The following MLLT6 variants were observed in gnomAD, a reference collection of about 807,000 sequenced individuals.
MLLT6 encodes the protein protein AF-17.
Under a neutral mutation model 103.0 loss-of-function variants are expected in MLLT6, and 22 were observed. The ratio of observed to expected loss-of-function variants is 0.21; its 90% CI spans 0.15 to 0.31. The LOEUF is 0.31. Among genes scored for constraint, MLLT6 ranks in the 10% least tolerant of loss-of-function variants. The pLI, the probability that MLLT6 is intolerant of heterozygous loss-of-function variation, is 1.00. For synonymous variants in MLLT6, 606 were observed against 623.5 expected (o/e 0.97, Z 0.42); for missense variants, 1,199 against 1,441.7 (o/e 0.83, Z 2.73).
At position 38,709,466 on chromosome 17, in the gene MLLT6, T is replaced by C; in HGVS notation, c.459-16T>C. 6.2e-7 allele frequency: 1 copy of C among 1,610,658 alleles called. No individual in the cohort carries two copies. Among genetic ancestry groups the C allele is most frequent in the Non-Finnish European group, 8.5e-7 (1 of 1,176,772 alleles). On this transcript the variant is annotated splice_polypyrimidine_tract_variant and intron_variant, in intron 5 of 19. Coordinates refer to ENST00000621332, the MANE Select transcript of MLLT6 (RefSeq NM_005937.4). This position sits in a 1 kb window ranked among gnomAD's most constrained non-coding sequence, Gnocchi z 4.3. ...ATCTGTGGCCTCAGCCGTCTCAGGC[T>C]GCCTTCTCTGGTTAGTGCCCAAATG... is the stretch of plus-strand genomic sequence containing the variant.
At chr17:38,717,385 T>G in intron 10 of MLLT6, 47 bp from the exon 11 acceptor site, 1 of 1,472,594 alleles carries the variant, frequency 6.8e-7, no homozygotes, top group South Asian at 1.3e-5. Flanking sequence ...AGCAGGAGTC[T>G]GGGGTGGAGA....
Position 38,716,566 on chromosome 17 carries a change from C to T in MLLT6, c.1236C>T (p.Thr412=), listed in dbSNP as rs776768338. Residue 412 remains threonine, a synonymous_variant, in exon 10 of 20, where the codon ACC becomes ACT. Coordinates refer to ENST00000621332, the MANE Select transcript of MLLT6 (RefSeq NM_005937.4). This position sits in a 1 kb window ranked among gnomAD's most constrained non-coding sequence, Gnocchi z 5.6. ...GFGPIMRFST[T]TSSSGRARAP... is the part of the protein sequence containing the mutation. Reference sequence around the variant, plus strand: ...GGCCCATCATGCGCTTCTCCACCACCACCTCCAGCTCAGGCCGGGCCCGGG... The same window carrying T: ...GGCCCATCATGCGCTTCTCCACCACTACCTCCAGCTCAGGCCGGGCCCGGG... 12 of 1,614,146 alleles carry T rather than the reference C, an allele frequency of 7.4e-6. No homozygotes were observed. The highest frequency in any genetic ancestry group is 3.3e-5 in the South Asian group (3 of 91,088).
At position 38,720,584 on chromosome 17, in the gene MLLT6, C is replaced by T. The variant is rs1188018803; in HGVS notation, c.2353+15C>T. Reference sequence around the variant, plus strand: ...GCCTCCCCAAGGTGAGGGGATCCTGCCCAGCCCGGGAGAGAGGCCCGTGCC... The same window carrying T: ...GCCTCCCCAAGGTGAGGGGATCCTGTCCAGCCCGGGAGAGAGGCCCGTGCC... On this transcript the variant is annotated intron_variant, in intron 15 of 19. Transcript: ENST00000621332. 1 of 1,612,470 alleles carries T rather than the reference C, an allele frequency of 6.2e-7. No individual in the cohort carries two copies. Among genetic ancestry groups the T allele is most frequent in the Non-Finnish European group, 8.5e-7 (1 of 1,179,716 alleles).
In MLLT6 at chr17:38,727,316, G is replaced by T; in HGVS notation, c.*1718G>T. 1 of 228,136 alleles carries T rather than the reference G, an allele frequency of 4.4e-6. No individual in the cohort carries two copies. Among genetic ancestry groups the T allele is most frequent in the Non-Finnish European group, 8.7e-6 (1 of 115,272 alleles). The allele number at this position is 228,136 out of a possible 1,614,324, so 14.1% of individuals were successfully genotyped here. On this transcript the variant is annotated 3_prime_UTR_variant, in exon 20 of 20. Transcript: ENST00000621332. ...GTTAGGGAGCTGATAATGGAGGGGG[G>T]TGGGAATCCTTCAAAGGCAATTTCT...
In MLLT6 at chr17:38,709,691, C is replaced by A; in HGVS notation, c.552+116C>A. On this transcript the variant is annotated intron_variant, in intron 6 of 19. Transcript: ENST00000621332. This position sits in a 1 kb window ranked among gnomAD's most constrained non-coding sequence, Gnocchi z 4.3. ...GCTAGGAGGACAGAGAGGGAAAAAA[C>A]CCAGTCCCTGCCCAAGAGGAGCTCT... is the stretch of plus-strand genomic sequence containing the variant. The A allele has an allele frequency of 1.3e-6, 1 of 757,352 alleles. No individual in the cohort carries two copies. The highest frequency in any genetic ancestry group is 2.3e-6 in the Non-Finnish European group (1 of 438,522). 46.9% of individuals were successfully genotyped at this position (757,352 alleles called of 1,614,324 possible). A position where few individuals can be genotyped will look rare whatever the true frequency, so the allele number is the denominator to read the frequency against.
At position 38,715,653 on chromosome 17, in the gene MLLT6, C is replaced by A. The variant is rs766367970; in HGVS notation, c.861C>A (p.Ser287Arg). Residue 287 changes from serine (S) to arginine (R), a missense_variant, in exon 9 of 20, where the codon AGC becomes AGA. Ser to Arg is a moderately radical substitution (Grantham distance 110, BLOSUM62 -1). Around this residue, in one of 7 missense-constraint regions of MLLT6, gnomAD observed 1,034 missense variants for 1,091.5 expected, o/e 0.95. Transcript: ENST00000621332. ...CCTCTTCCTCCCACCACGAGGCCAG[C>A]ACGCAGGAGACCTCTGAGAGCAGCA... ...SASSSSHHEA[S>R]TQETSESSRE... The A allele has an allele frequency of 9.9e-6, 16 of 1,613,964 alleles. No individual in the cohort carries two copies. The highest frequency in any genetic ancestry group is 1.4e-5 in the Non-Finnish European group (16 of 1,179,954).
rs1458472557 is a variant in MLLT6 at position 38,709,072 on chromosome 17, C to G, written c.355-101C>G. ...GACAGTTCTGTGGGATAGCACTGAT[C>G]TAAGACTGTAGAGAGCAAATGGAAT... On this transcript the variant is annotated intron_variant, in intron 4 of 19. Transcript: ENST00000621332. This position sits in a 1 kb window ranked among gnomAD's most constrained non-coding sequence, Gnocchi z 4.3. 5.8e-6 allele frequency: 5 copies of G among 867,928 alleles called. No individual in the cohort carries two copies. In the East Asian group the frequency reaches 1.2e-4, roughly 21 times the overall value. The allele number at this position is 867,928 out of a possible 1,614,324, so 53.8% of individuals were successfully genotyped here.
Position 38,716,805 on chromosome 17 carries a change from G to T in MLLT6, c.1475G>T (p.Gly492Val), listed in dbSNP as rs1304887073. Residue 492 changes from glycine to valine, a missense_variant, in exon 10 of 20, where the codon GGC becomes GTC. This residue lies in a region of MLLT6 where 1,034 missense variants were observed against 1,091.5 expected (regional missense o/e 0.95). Coordinates refer to ENST00000621332, the MANE Select transcript of MLLT6 (RefSeq NM_005937.4). This position sits in a 1 kb window ranked among gnomAD's most constrained non-coding sequence, Gnocchi z 5.6. ...AGCCGGAACAAGGAGGGCACTGGGG[G>T]CCCAGCTGCCCCATCCTTGCCCAGT... is the stretch of plus-strand genomic sequence containing the variant. ...KGSRNKEGTG[G>V]PAAPSLPSAQ... The T allele has an allele frequency of 6.2e-7, 1 of 1,611,308 alleles. No homozygotes were observed. Among genetic ancestry groups the T allele is most frequent in the Non-Finnish European group, 8.5e-7 (1 of 1,178,850 alleles).
At chr17:38,717,410 C>T in intron 10 of MLLT6, 22 bp from the exon 11 acceptor site, 3 of 1,543,532 alleles carry the variant, frequency 1.9e-6, no homozygotes, top group Non-Finnish European at 1.8e-6. Context: ...CCACGTGCTT[C>T]CCTCTGTCCT....
At chr17:38,720,016 C>A in intron 14 of MLLT6, 121 bp downstream of exon 14, 2 of 1,335,820 alleles carry the variant, frequency 1.5e-6, no homozygotes, top group South Asian at 1.5e-5. Flanking sequence ...CCTTGACTCT[C>A]GGCCACCCCG....
intron 14 of MLLT6, 50 bp from the exon 15 acceptor site, chr17:38,720,322 C>A: frequency 1.6e-6 from 1 of 635,318 alleles, no homozygotes; most frequent in East Asian, 3.9e-5. Context: ...GTCCCCTGGC[C>A]CCGCCTCCGC....
In MLLT6 at chr17:38,727,763, C is replaced by T. The variant is rs761434163; in HGVS notation, c.*2165C>T. 1 of 218,970 alleles carries T rather than the reference C, an allele frequency of 4.6e-6. No individual in the cohort carries two copies. Among genetic ancestry groups the T allele is most frequent in the Non-Finnish European group, 9.1e-6 (1 of 109,316 alleles). 13.6% of individuals were successfully genotyped at this position (218,970 alleles called of 1,614,324 possible). On this transcript the variant is annotated 3_prime_UTR_variant, in exon 20 of 20. Transcript: ENST00000621332. ...TGAGCCAAGATTGTGCCACTGCACT[C>T]CAGCCTGTGTGAGAGAGTGAGACTC...
In MLLT6 at chr17:38,712,880, C is replaced by T. The variant is rs1597992724; in HGVS notation, c.819+91C>T. The T allele has an allele frequency of 9.1e-6, 8 of 874,712 alleles. No homozygotes were observed. In the East Asian group the frequency reaches 1.9e-4, roughly 21 times the overall value. The allele number at this position is 874,712 out of a possible 1,614,324, so 54.2% of individuals were successfully genotyped here. Reference sequence around the variant, plus strand: ...GGCGAGAGGTTGGTGAGTCAGGGACCTGGGCACCCTCCCCACAGCTTCAAG... The same window carrying T: ...GGCGAGAGGTTGGTGAGTCAGGGACTTGGGCACCCTCCCCACAGCTTCAAG... On this transcript the variant is annotated intron_variant, in intron 8 of 19. Transcript: ENST00000621332.
rs768203615 is a variant in MLLT6, at chr17:38,721,868, C to T, written c.2443-10C>T. Reference sequence around the variant, plus strand: ...GCCCTCTGACCCCTCCCTTCCCCCTCCCTCCCCAGGACCCACACTCAGGCT... The same window carrying T: ...GCCCTCTGACCCCTCCCTTCCCCCTTCCTCCCCAGGACCCACACTCAGGCT... On this transcript the variant is annotated splice_polypyrimidine_tract_variant and intron_variant, in intron 16 of 19. Coordinates refer to ENST00000621332, the MANE Select transcript of MLLT6 (RefSeq NM_005937.4). The T allele has an allele frequency of 1.9e-6, 3 of 1,543,484 alleles. No individual in the cohort carries two copies. The South Asian group carries it at 3.5e-5, about 18-fold the overall frequency.
chr17:38,709,614 C>T lies in MLLT6; in HGVS notation c.552+39C>T, dbSNP rs2143669210. On this transcript the variant is annotated intron_variant, in intron 6 of 19. Coordinates refer to ENST00000621332, the MANE Select transcript of MLLT6 (RefSeq NM_005937.4). This position sits in a 1 kb window ranked among gnomAD's most constrained non-coding sequence, Gnocchi z 4.3. ...ACCAGCGCATGAGCGGGTCAGTCAG[C>T]TGTGGTAAGATGGTTAGAGGGCATG... The T allele has an allele frequency of 1.3e-6, 2 of 1,524,050 alleles. No homozygotes were observed. Among genetic ancestry groups the T allele is most frequent in the Middle Eastern group, 1.7e-4 (1 of 5,874 alleles). The allele number at this position is 1,524,050 out of a possible 1,614,324, so 94.4% of individuals were successfully genotyped here.
At position 38,722,068 on chromosome 17, in the gene MLLT6, T is replaced by C; in HGVS notation, c.2633T>C (p.Met878Thr). Residue 878 changes from methionine (M) to threonine (T), a missense_variant, in exon 17 of 20, where the codon ATG (methionine) becomes ACG (threonine). Met to Thr is a moderately conservative substitution (Grantham distance 81). Around this residue, in one of 7 missense-constraint regions of MLLT6, gnomAD observed 1,034 missense variants for 1,091.5 expected, o/e 0.95. Coordinates refer to ENST00000621332, the MANE Select transcript of MLLT6 (RefSeq NM_005937.4). ...CCCGGGGCAGCGGGGCTGGGGGCCA[T>C]GCCCATGGCTGAGGGGCTGTTGGGG... ...RAPGAAGLGA[M>T]PMAEGLLGGL... The C allele has an allele frequency of 1.4e-6, 2 of 1,382,786 alleles. No individual in the cohort carries two copies. The highest frequency in any genetic ancestry group is 1.9e-6 in the Non-Finnish European group (2 of 1,072,890). The allele number at this position is 1,382,786 out of a possible 1,614,324, so 85.7% of individuals were successfully genotyped here. A position where few individuals can be genotyped will look rare whatever the true frequency, so the allele number is the denominator to read the frequency against.
At chr17:38,722,825 T>A in intron 18 of MLLT6, 57 bp downstream of exon 18, 1 of 1,280,678 alleles carries the variant, frequency 7.8e-7, no homozygotes, top group Non-Finnish European at 1.1e-6. Flanking sequence ...GAAGGGCACA[T>A]CTCAGAGGAT....
Position 38,715,752 on chromosome 17 carries a change from T to A in MLLT6, c.960T>A (p.Gly320=). The change falls in exon 9 of 20, where the codon GGT becomes GGA. Residue 320 remains glycine (G), a synonymous_variant. Transcript: ENST00000621332. ...HKGKKLSSGK[G]VSSFTSASSS... ...GGAAGAAACTGAGCAGTGGGAAAGG[T>A]GTGAGCAGTTTTACCTCCGCCTCCT... 6.2e-7 allele frequency: 1 copy of A among 1,613,964 alleles called. No individual in the cohort carries two copies. Among genetic ancestry groups the A allele is most frequent in the Non-Finnish European group, 8.5e-7 (1 of 1,179,938 alleles).
rs1186574585 is a variant in MLLT6 at position 38,719,573 on chromosome 17, CTGTCTTCCA to C, written c.2003_2009+2del. 6.2e-7 allele frequency: 1 copy of C among 1,609,270 alleles called. No individual in the cohort carries two copies. The highest frequency in any genetic ancestry group is 8.5e-7 in the Non-Finnish European group (1 of 1,177,912). On this transcript the variant is annotated inframe_deletion and splice_region_variant, in exon 13 of 20. Transcript: ENST00000621332. ...TCGGGGGACCTCCCCTCAGGAGAGT[CTGTCTTCCA>C]TGTGAGGGAAGGGGCAGCCTGGAGG...
Sources: gnomAD v4.1 joint callset for allele counts on GRCh38, gnomAD v4.1.1 for gene constraint, gnomAD v4.1.1 regional missense constraint, Gnocchi (gnomAD v3.1) non-coding constraint, MANE v1.5 for transcripts, NCBI Gene and HGNC (gene_info 2026-07-23, HGNC 2026-07-21) for gene names.